DAAM1: variants seen among roughly 807,000 people sequenced by gnomAD.
The protein encoded by DAAM1 is dishevelled associated activator of morphogenesis 1, also known as disheveled-associated activator of morphogenesis 1.
A neutral mutation model predicts 130.0 loss-of-function variants in DAAM1; 52 were observed. That is an observed-to-expected ratio of 0.40 (90% confidence interval 0.32 to 0.50). The LOEUF is 0.50. DAAM1 is among the 20% of genes least tolerant of loss of function. The pLI is 0.61. For synonymous variants in DAAM1, 452 were observed against 444.5 expected (o/e 1.02, Z -0.21); for missense variants, 1,134 against 1,303.8 (o/e 0.87, Z 2.01).
chr14:59,272,643 A>ATATATGTATG (rs1555359606), intron 2 of DAAM1, among the ~76,000 whole-genome samples: 49 of 145,984 alleles, frequency 3.4e-4, no homozygotes, highest in Non-Finnish European at 6.2e-4. Flanking sequence ...ACACACATAT[A>ATATATGTATG]TATGTATGTA....
intron 3 of DAAM1, among the ~76,000 whole-genome samples, chr14:59,300,355 C>G (rs187292446): frequency 2.0e-5 from 3 of 152,124 alleles, no homozygotes; most frequent in Non-Finnish European, 2.9e-5. Flanking sequence ...AACAAAACTT[C>G]AGTGATGGAA....
intron 1 of DAAM1, among the ~76,000 whole-genome samples, chr14:59,228,471 C>T (rs545930706): frequency 5.9e-5 from 9 of 152,258 alleles, no homozygotes; most frequent in South Asian, 4.1e-4. Flanking sequence ...GAAAATGGTT[C>T]GGAGTATCAC....
chr14:59,240,216 T>G (rs1889434407), intron 1 of DAAM1, among the ~76,000 whole-genome samples: 1 of 152,154 alleles, frequency 6.6e-6, no homozygotes. Flanking sequence ...CGCCCCCAGT[T>G]CTATGGATTT....
At chr14:59,207,103 G>A (rs1403572285) in intron 1 of DAAM1, among the ~76,000 whole-genome samples, 1 of 152,146 alleles carries the variant, frequency 6.6e-6, no homozygotes, top group Non-Finnish European at 1.5e-5. Context: ...TCGTTCACAG[G>A]AGAATTTGAA....
Position 59,370,902 on chromosome 14 carries a change from G to GTCTT in DAAM1, c.*2044_*2047dup, listed in dbSNP as rs1262796161. Reference sequence around the variant, plus strand: ...GGAACTGTATTTTGAAAATGGCTTTGTCTTACAGTTTAAGGAATAGACAGG... The same window carrying GTCTT: ...GGAACTGTATTTTGAAAATGGCTTTGTCTTTCTTACAGTTTAAGGAATAGACAGG... On this transcript the variant is annotated 3_prime_UTR_variant, in exon 25 of 25. Coordinates refer to ENST00000360909, the MANE Select transcript of DAAM1 (RefSeq NM_001270520.2). 5.3e-5 allele frequency: 8 copies of GTCTT among 152,144 alleles called. No homozygotes were observed. In the South Asian group the frequency reaches 1.7e-3, roughly 32 times the overall value. 9.4% of individuals were successfully genotyped at this position (152,144 alleles called of 1,614,324 possible). A position where few individuals can be genotyped will look rare whatever the true frequency, so the allele number is the denominator to read the frequency against.
At chr14:59,258,050 T>C (rs1881990305) in intron 1 of DAAM1, among the ~76,000 whole-genome samples, 1 of 152,204 alleles carries the variant, frequency 6.6e-6, no homozygotes, top group African/African-American at 2.4e-5. Context: ...ACTTCAGGAA[T>C]AATGTTTTAG....
chr14:59,309,087 T>C (rs893146130), intron 3 of DAAM1, among the ~76,000 whole-genome samples: 1 of 152,178 alleles, frequency 6.6e-6, no homozygotes, highest in Non-Finnish European at 1.5e-5. Flanking sequence ...GAATATAGTT[T>C]TGCTCACCAC....
chr14:59,314,750 A>G (rs61984489), intron 3 of DAAM1, among the ~76,000 whole-genome samples: 10,159 of 152,298 alleles, frequency 0.067, 442 homozygotes, highest in Non-Finnish European at 0.098. Flanking sequence ...CTTCCATTCA[A>G]TGTCAGGCTT....
intron 2 of DAAM1, among the ~76,000 whole-genome samples, chr14:59,270,376 G>T (rs1473106009): frequency 6.6e-6 from 1 of 152,182 alleles, no homozygotes; most frequent in Non-Finnish European, 1.5e-5. Flanking sequence ...AGAAGCAATG[G>T]TGGTGGGGTG....
chr14:59,355,313 C>T lies in DAAM1; in HGVS notation c.2505C>T (p.Asp835=), dbSNP rs1270626781. 1.1e-5 allele frequency: 17 copies of T among 1,613,888 alleles called. No individual in the cohort carries two copies. The highest frequency in any genetic ancestry group is 2.7e-5 in the African/African-American group (2 of 74,900). Residue 835 remains aspartate (D), a synonymous_variant, in exon 20 of 25, where the codon GAC becomes GAT. Transcript: ENST00000360909. ...TATCTAGCCTAAACAAAATTGCTGA[C>T]ACAAAATCCAGCATCGACAAGTAAG... ...FKISSLNKIA[D]TKSSIDKNIT... is the part of the protein sequence containing the mutation.
intron 15 of DAAM1, chr14:59,338,545 A>T: frequency 1.1e-6 from 1 of 926,992 alleles, no homozygotes; most frequent in Non-Finnish European, 1.6e-6. Flanking sequence ...TGCCTAGGTA[A>T]CTCCACTTTG....
At chr14:59,344,288 A>G (rs1394234092) in intron 16 of DAAM1, among the ~76,000 whole-genome samples, 1 of 152,176 alleles carries the variant, frequency 6.6e-6, no homozygotes, top group Non-Finnish European at 1.5e-5. Context: ...TATTTTAATT[A>G]CGCCTGGATG....
chr14:59,347,405 T>C (rs1886125017), intron 16 of DAAM1, 134 bp from the exon 17 acceptor site: 1 of 796,312 alleles, frequency 1.3e-6, no homozygotes, highest in South Asian at 1.8e-5. Flanking sequence ...TGCAATATTG[T>C]CAGGAAATAA....
chr14:59,281,552 G>A (rs1486676740), intron 2 of DAAM1, among the ~76,000 whole-genome samples: 1 of 152,012 alleles, frequency 6.6e-6, no homozygotes, highest in Non-Finnish European at 1.5e-5. Flanking sequence ...AGGAGGAGGA[G>A]GGGAGGTGGG....
At chr14:59,275,373 C>T (rs1461349078) in intron 2 of DAAM1, among the ~76,000 whole-genome samples, 1 of 151,980 alleles carries the variant, frequency 6.6e-6, no homozygotes, top group Non-Finnish European at 1.5e-5. Context: ...ATCTGTACAA[C>T]AAACCGTGTA....
intron 1 of DAAM1, among the ~76,000 whole-genome samples, chr14:59,234,875 G>A (rs1889241468): frequency 6.6e-6 from 1 of 152,058 alleles, no homozygotes; most frequent in Admixed American, 6.5e-5. Flanking sequence ...TTTATCAGAG[G>A]CCTTTTCTGC....
intron 1 of DAAM1, among the ~76,000 whole-genome samples, chr14:59,225,998 C>G (rs1443302417): frequency 3.9e-5 from 6 of 152,112 alleles, no homozygotes; most frequent in Non-Finnish European, 8.8e-5. Flanking sequence ...CAACTAAGAA[C>G]AACTCTAAGG....
At chr14:59,270,898 T>A (rs1882682842) in intron 2 of DAAM1, among the ~76,000 whole-genome samples, 1 of 152,150 alleles carries the variant, frequency 6.6e-6, no homozygotes, top group Non-Finnish European at 1.5e-5. Flanking sequence ...ACGTAAAAAA[T>A]CCAGGTTTAA....
chr14:59,366,697 G>T (rs1886929781), intron 23 of DAAM1, among the ~76,000 whole-genome samples: 1 of 152,144 alleles, frequency 6.6e-6, no homozygotes, highest in Admixed American at 6.5e-5. Flanking sequence ...CTTTAGAAAT[G>T]ATTAATAGAC....
Sources: allele counts gnomAD v4.1 joint callset (sites outside exome capture counted in the v4.1 genomes callset), GRCh38; gene constraint gnomAD v4.1.1; transcripts MANE v1.5; gene names NCBI Gene and HGNC (gene_info 2026-07-23, HGNC 2026-07-21).